The following RNF220 variants were observed in gnomAD, a reference collection of about 807,000 sequenced individuals.
RNF220 encodes ring finger protein 220.
A neutral mutation model predicts 67.1 loss-of-function variants in RNF220; 7 were observed. The ratio of observed to expected loss-of-function variants is 0.10; its 90% CI spans 0.06 to 0.20. RNF220 has a LOEUF of 0.20. Ranked by LOEUF, RNF220 falls within the 10% of genes least tolerant of loss-of-function variation. RNF220 has a pLI of 1.00. For synonymous variants in RNF220, 270 were observed against 283.2 expected (o/e 0.95, Z 0.47); for missense variants, 565 against 740.3 (o/e 0.76, Z 2.75).
intron 2 of RNF220, among the ~76,000 whole-genome samples, chr1:44,491,388 T>G (rs1656839552): frequency 1.3e-5 from 2 of 152,064 alleles, no homozygotes; most frequent in African/African-American, 4.8e-5. Flanking sequence ...ATAAAAAAAA[T>G]TATATACTGT....
At chr1:44,643,633 A>G (rs1388847518) in intron 8 of RNF220, 1 of 152,182 alleles carries the variant, frequency 6.6e-6, no homozygotes, top group Non-Finnish European at 1.5e-5. Context: ...AAGAGTGGAC[A>G]AGCAGAAATG....
chr1:44,645,283 C>T lies in RNF220; in HGVS notation c.1366+7C>T. On this transcript the variant is annotated splice_region_variant and intron_variant, in intron 11 of 14. Coordinates refer to ENST00000361799, the MANE Select transcript of RNF220 (RefSeq NM_018150.4). The surrounding 1 kb of genome is among the most constrained non-coding windows in gnomAD (Gnocchi z 5.0). ...TCTAAATGGGCCAGTGATGGTAAGT[C>T]CTGCCCCAGGTTAGGAGTAATGGGG... is the stretch of plus-strand genomic sequence containing the variant. 1 of 1,614,068 alleles carries T rather than the reference C, an allele frequency of 6.2e-7. No individual in the cohort carries two copies. Among genetic ancestry groups the T allele is most frequent in the Non-Finnish European group, 8.5e-7 (1 of 1,179,994 alleles).
chr1:44,646,982 G>A (rs1228711952), intron 12 of RNF220, among the ~76,000 whole-genome samples: 2 of 152,228 alleles, frequency 1.3e-5, no homozygotes, highest in Non-Finnish European at 2.9e-5. Flanking sequence ...CTCACAGCCA[G>A]CCTGGACCAG....
At chr1:44,424,693 C>G (rs1649569910) in intron 2 of RNF220, among the ~76,000 whole-genome samples, 2 of 152,180 alleles carry the variant, frequency 1.3e-5, no homozygotes, top group Admixed American at 1.3e-4. Context: ...TCCCGGCTCC[C>G]CCTCTGCCAC....
At chr1:44,628,599 G>A (rs1644026162) in intron 5 of RNF220, among the ~76,000 whole-genome samples, 3 of 152,206 alleles carry the variant, frequency 2.0e-5, no homozygotes, top group Non-Finnish European at 4.4e-5. Context: ...TATCATGGCA[G>A]CGAGGCCTTC....
intron 2 of RNF220, among the ~76,000 whole-genome samples, chr1:44,587,533 C>G (rs74070541): frequency 6.6e-6 from 1 of 152,144 alleles, no homozygotes. Flanking sequence ...GGAACATTCC[C>G]GCCCCCTCTG....
At chr1:44,559,081 G>A (rs992047301) in intron 2 of RNF220, among the ~76,000 whole-genome samples, 1 of 152,204 alleles carries the variant, frequency 6.6e-6, no homozygotes, top group Non-Finnish European at 1.5e-5. Context: ...AGCCCAATGC[G>A]CAACACATAG....
At chr1:44,458,336 GTT>G (rs57080249) in intron 2 of RNF220, among the ~76,000 whole-genome samples, 32,648 of 141,110 alleles carry the variant, frequency 0.23, 3,724 homozygotes, top group Middle Eastern at 0.27. Context: ...GATTTTTCCA[GTT>G]TTTTTTTTTT....
At chr1:44,482,723 G>C (rs1447702225) in intron 2 of RNF220, among the ~76,000 whole-genome samples, 2 of 152,106 alleles carry the variant, frequency 1.3e-5, no homozygotes, top group East Asian at 3.9e-4. Context: ...TCAGATTCCA[G>C]TGATTCTCGT....
At chr1:44,523,349 A>ACC (rs934811417) in intron 2 of RNF220, among the ~76,000 whole-genome samples, 26 of 151,554 alleles carry the variant, frequency 1.7e-4, no homozygotes, top group Non-Finnish European at 2.9e-4. Flanking sequence ...CTCTCCTCCC[A>ACC]CCCCAGGCCA....
At chr1:44,407,780 G>A (rs1414320739) in intron 1 of RNF220, among the ~76,000 whole-genome samples, 2 of 152,198 alleles carry the variant, frequency 1.3e-5, no homozygotes, top group East Asian at 3.9e-4. Context: ...AGGAGAAGCG[G>A]GAGTGGAGGA....
intron 2 of RNF220, among the ~76,000 whole-genome samples, chr1:44,414,916 T>C (rs773338000): frequency 1.3e-5 from 2 of 150,912 alleles, no homozygotes; most frequent in African/African-American, 2.4e-5. Context: ...CTCGTTATTA[T>C]CCAGAGTTGC....
At position 44,598,559 on chromosome 1, in the gene RNF220, C is replaced by A. The variant is rs552293926; in HGVS notation, c.626-15606C>A. ...TGCTGAGTGAGAGAGAGAAAGCGTG[C>A]AGCCCAGGGGTTCCGGGTGGGGCTT... On this transcript the variant is annotated intron_variant, in intron 2 of 14. Transcript: ENST00000361799. 2.6e-5 allele frequency among the ~76,000 whole-genome samples: 4 copies of A among 152,294 alleles called. No individual in the cohort carries two copies. The South Asian group carries it at 6.2e-4, about 24-fold the overall frequency.
rs530544322 is a variant in RNF220, at chr1:44,415,298, G to GT, written c.625+2580dup. Among the ~76,000 whole-genome samples the GT allele has an allele frequency of 3.4e-3, 517 of 151,704 alleles. 4 individuals are homozygous for GT. The highest frequency in any genetic ancestry group is 0.012 in the African/African-American group (497 of 41,324). The stretch of plus-strand genomic sequence containing the variant: ...CCTTTCAGGTCCTCCCTACAGAACC[G>GT]TTTTGAAATAAGTAATATTTCTCAG... On this transcript the variant is annotated intron_variant, in intron 2 of 14. Transcript: ENST00000361799.
intron 2 of RNF220, among the ~76,000 whole-genome samples, chr1:44,432,074 G>A (rs1650441176): frequency 2.0e-5 from 3 of 152,046 alleles, no homozygotes; most frequent in South Asian, 4.1e-4. Flanking sequence ...TGGCTTCTGC[G>A]ACATTATACT....
At chr1:44,636,207 CTCTGCTGGGTATCCA>C (rs760122388) in intron 8 of RNF220, 45 bp downstream of exon 8, 19 of 1,570,296 alleles carry the variant, frequency 1.2e-5, no homozygotes, top group Middle Eastern at 1.7e-4. Flanking sequence ...GGTGCCAGGC[CTCTGCTGGGTATCCA>C]TCTGCTGGAA....
chr1:44,486,263 T>G (rs1208879017), intron 2 of RNF220, among the ~76,000 whole-genome samples: 1 of 152,130 alleles, frequency 6.6e-6, no homozygotes, highest in Non-Finnish European at 1.5e-5. Context: ...TGTCCCAATT[T>G]TGTCCTCATC....
intron 2 of RNF220, among the ~76,000 whole-genome samples, chr1:44,594,952 T>G (rs1350631083): frequency 6.6e-6 from 1 of 152,100 alleles, no homozygotes; most frequent in African/African-American, 2.4e-5. Context: ...TTTAAAGACA[T>G]AGGAGTGAGG....
intron 2 of RNF220, among the ~76,000 whole-genome samples, chr1:44,462,824 C>A (rs951935363): frequency 6.7e-6 from 1 of 148,404 alleles, no homozygotes; most frequent in Admixed American, 6.8e-5. Flanking sequence ...GTCAGGAGAT[C>A]GAGACCATCC....
Sources: allele counts gnomAD v4.1 joint callset (sites outside exome capture counted in the v4.1 genomes callset), GRCh38; gene constraint gnomAD v4.1.1; non-coding constraint Gnocchi (gnomAD v3.1); transcripts MANE v1.5; gene names NCBI Gene and HGNC (gene_info 2026-07-23, HGNC 2026-07-21).